The following TMEM245 variants were observed in gnomAD, a reference collection of about 807,000 sequenced individuals.
The protein encoded by TMEM245 is protein CG-2.
TMEM245 carries 69 observed loss-of-function variants against 101.2 expected under a neutral mutation model. The ratio of observed to expected loss-of-function variants is 0.68; its 90% confidence interval spans 0.56 to 0.83. The LOEUF is 0.83. TMEM245 is among the 40% of genes least tolerant of loss of function. The pLI, the probability that TMEM245 is intolerant of heterozygous loss-of-function variation, is 0.00. For synonymous variants in TMEM245, 537 were observed against 449.8 expected (o/e 1.19, Z -2.45); for missense variants, 1,075 against 1,092.8 (o/e 0.98, Z 0.23).
intron 8 of TMEM245, among the ~76,000 whole-genome samples, chr9:109,077,292 A>G (rs1829539817): frequency 6.6e-6 from 1 of 152,170 alleles, no homozygotes; most frequent in Admixed American, 6.5e-5. Context: ...CTGGGACTAC[A>G]GGCTTAAGTC....
chr9:109,105,081 G>A (rs576118789), intron 3 of TMEM245, among the ~76,000 whole-genome samples: 1 of 152,044 alleles, frequency 6.6e-6, no homozygotes, highest in Admixed American at 6.5e-5. Flanking sequence ...CCCACCAATG[G>A]AATATTTAAA....
chr9:109,056,440 CAAAAAAAAAAAAAAA>C (rs753175633), intron 12 of TMEM245, among the ~76,000 whole-genome samples: 1 of 36,768 alleles, frequency 2.7e-5, no homozygotes, highest in Non-Finnish European at 5.3e-5. Context: ...ACTAAAAATG[CAAAAAAAAAAAAAAA>C]AAAAAAAAAA....
At chr9:109,108,895 T>A (rs746622646) in intron 1 of TMEM245, among the ~76,000 whole-genome samples, 25 of 152,266 alleles carry the variant, frequency 1.6e-4, no homozygotes, top group Middle Eastern at 3.4e-3. Flanking sequence ...AAGAATCTAA[T>A]CTTATGGAAT....
At chr9:109,115,820 G>C (rs761590724) in intron 1 of TMEM245, among the ~76,000 whole-genome samples, 3 of 151,980 alleles carry the variant, frequency 2.0e-5, no homozygotes, top group Non-Finnish European at 4.4e-5. Context: ...GTGAGCAACC[G>C]CACCTGGCCT....
intron 10 of TMEM245, 144 bp downstream of exon 10, chr9:109,064,333 A>G: frequency 1.4e-6 from 1 of 693,552 alleles, no homozygotes. Flanking sequence ...CTTTCAAAAG[A>G]TTTCATTGTA....
At chr9:109,094,145 T>C (rs767259633) in intron 3 of TMEM245, among the ~76,000 whole-genome samples, 1 of 152,234 alleles carries the variant, frequency 6.6e-6, no homozygotes, top group African/African-American at 2.4e-5. Flanking sequence ...TGACGTTGTT[T>C]CACATTATAT....
Position 109,091,028 on chromosome 9 carries a change from C to A in TMEM245, c.1044G>T (p.Lys348Asn), listed in dbSNP as rs1347576814. ...CAAAGTAGATGTCACTAGTTTTCTT[C>A]TTTCTAAGAAACGTTCCTATTTCAG... ...RRPEIGTFLR[K>N]KKTSDIYFVS... Residue 348 changes from lysine (K) to asparagine (N), a missense_variant, in exon 5 of 18, where the codon AAG becomes AAT. Transcript: ENST00000374586. The A allele has an allele frequency of 6.2e-7, 1 of 1,614,152 alleles. No homozygotes were observed. Among genetic ancestry groups the A allele is most frequent in the East Asian group, 2.2e-5 (1 of 44,878 alleles).
chr9:109,051,003 A>G (rs919155177), intron 12 of TMEM245, among the ~76,000 whole-genome samples: 10 of 152,036 alleles, frequency 6.6e-5, no homozygotes, highest in Admixed American at 6.6e-4. Context: ...CATTTTATAT[A>G]TAATTGGTGG....
At chr9:109,069,234 T>C (rs769557381) in intron 9 of TMEM245, among the ~76,000 whole-genome samples, 1 of 152,144 alleles carries the variant, frequency 6.6e-6, no homozygotes, top group Non-Finnish European at 1.5e-5. Flanking sequence ...AGAATGCTGC[T>C]ACTATTCAAA....
At chr9:109,073,620 A>C (rs1419015746) in intron 8 of TMEM245, among the ~76,000 whole-genome samples, 182 bp from the exon 9 acceptor site, 1 of 152,244 alleles carries the variant, frequency 6.6e-6, no homozygotes, top group Non-Finnish European at 1.5e-5. Flanking sequence ...GATACGCACT[A>C]CGGGAAATAA....
At chr9:109,026,449 T>C (rs1827791491) in intron 17 of TMEM245, among the ~76,000 whole-genome samples, 1 of 151,766 alleles carries the variant, frequency 6.6e-6, no homozygotes, top group South Asian at 2.1e-4. Context: ...TGGGGGATTA[T>C]CCAGATGGAG....
intron 8 of TMEM245, among the ~76,000 whole-genome samples, chr9:109,076,703 T>C (rs1204388332): frequency 1.3e-5 from 2 of 152,190 alleles, no homozygotes; most frequent in African/African-American, 4.8e-5. Context: ...ATGCTTTTTT[T>C]GTTTGAGACA....
chr9:109,025,583 G>T (rs959462166), intron 17 of TMEM245, among the ~76,000 whole-genome samples: 1 of 152,152 alleles, frequency 6.6e-6, no homozygotes, highest in African/African-American at 2.4e-5. Context: ...TAGCATCCCT[G>T]AAAGAGTTCC....
At chr9:109,081,374 T>C (rs1829661853) in intron 7 of TMEM245, among the ~76,000 whole-genome samples, 1 of 152,194 alleles carries the variant, frequency 6.6e-6, no homozygotes, top group Non-Finnish European at 1.5e-5. Flanking sequence ...ATAATACTTA[T>C]AATACAGGCA....
intron 9 of TMEM245, among the ~76,000 whole-genome samples, chr9:109,071,392 T>C (rs1316678115): frequency 6.6e-6 from 1 of 151,904 alleles, no homozygotes; most frequent in Non-Finnish European, 1.5e-5. Context: ...GAAGATCACT[T>C]GAGCCCAGGT....
intron 12 of TMEM245, among the ~76,000 whole-genome samples, chr9:109,054,220 A>C (rs1464504072): frequency 6.6e-6 from 1 of 152,172 alleles, no homozygotes; most frequent in Non-Finnish European, 1.5e-5. Flanking sequence ...AGTCCCAGCT[A>C]CTCAGGAGGA....
intron 9 of TMEM245, 58 bp downstream of exon 9, chr9:109,073,298 A>T: frequency 7.5e-7 from 1 of 1,328,662 alleles, no homozygotes; most frequent in Non-Finnish European, 1.1e-6. Flanking sequence ...CATTTCGTGC[A>T]AACAGATGCT....
intron 14 of TMEM245, among the ~76,000 whole-genome samples, chr9:109,043,829 T>C (rs942038220): frequency 6.6e-6 from 1 of 152,146 alleles, no homozygotes; most frequent in African/African-American, 2.4e-5. Flanking sequence ...TTCCTGTCCA[T>C]TGGAAGGTAG....
At position 109,018,837 on chromosome 9, in the gene TMEM245, G is replaced by A. The variant is rs1415775505; in HGVS notation, c.*1623C>T. On this transcript the variant is annotated 3_prime_UTR_variant, in exon 18 of 18. Coordinates refer to ENST00000374586, the MANE Select transcript of TMEM245 (RefSeq NM_032012.4). ...TGCAGCCTCGACCTCCTGGACTCAG[G>A]TGATCCTCATACATCAGCCTCCTGA... is the stretch of plus-strand genomic sequence containing the variant. 3 of 151,336 alleles carry A rather than the reference G, an allele frequency of 2.0e-5. No homozygotes were observed. The highest frequency in any genetic ancestry group is 4.9e-5 in the African/African-American group (2 of 41,036). The allele number at this position is 151,336 out of a possible 1,614,324, so 9.4% of individuals were successfully genotyped here.
Sources: allele counts gnomAD v4.1 joint callset (sites outside exome capture counted in the v4.1 genomes callset), GRCh38; gene constraint gnomAD v4.1.1; transcripts MANE v1.5; gene names NCBI Gene and HGNC (gene_info 2026-07-23, HGNC 2026-07-21).